Variants in TSPAN18 observed in about 807,000 individuals in gnomAD.
TSPAN18 encodes tetraspanin 18, also known as tetraspanin-18.
In TSPAN18, 14 loss-of-function variants were observed where a neutral mutation model predicts 27.3. That is an observed-to-expected ratio of 0.51 (90% CI 0.34 to 0.80). TSPAN18 has a LOEUF of 0.80. Ranked by LOEUF, TSPAN18 falls within the 30% of genes least tolerant of loss-of-function variation. The pLI, the probability that TSPAN18 is intolerant of heterozygous loss-of-function variation, is 0.01. For missense variants in TSPAN18, 268 were observed against 323.9 expected, an observed-to-expected ratio of 0.83 and a Z score of 1.32; for synonymous variants, 143 against 136.5, an observed-to-expected ratio of 1.05 and a Z score of -0.33.
rs765084802 is a variant in TSPAN18, at chr11:44,930,972, C to T, written c.*1794C>T. 2.4e-5 allele frequency: 12 copies of T among 489,924 alleles called. No homozygotes were observed. Among genetic ancestry groups the T allele is most frequent in the East Asian group, 6.3e-5 (1 of 15,810 alleles). 30.3% of individuals were successfully genotyped at this position (489,924 alleles called of 1,614,324 possible). ...CACTCGGAGCCACAGCCTAGAGCCC[C>T]GTGTTCCCTGGCCTGTGCGTCTGCC... On this transcript the variant is annotated 3_prime_UTR_variant, in exon 10 of 10. Transcript: ENST00000520358.
chr11:44,803,455 A>G (rs1856526504), intron 2 of TSPAN18, among the ~76,000 whole-genome samples: 1 of 152,184 alleles, frequency 6.6e-6, no homozygotes, highest in Non-Finnish European at 1.5e-5. Context: ...AGAGTACAGA[A>G]GTTCTTGAAT....
In TSPAN18 at chr11:44,730,607, G is replaced by A. The variant is rs544376384; in HGVS notation, c.-240+3320G>A. 2.6e-5 allele frequency among the ~76,000 whole-genome samples: 4 copies of A among 152,118 alleles called. No homozygotes were observed. The East Asian group carries it at 7.7e-4, about 29-fold the overall frequency. ...ATTAGTGCTCCATCTGAGGGAGTGGGGGTGGATCATGAAACACTTTTTTTT... is the reference window on the plus strand; with the variant it reads ...ATTAGTGCTCCATCTGAGGGAGTGGAGGTGGATCATGAAACACTTTTTTTT... On this transcript the variant is annotated intron_variant, in intron 1 of 9. Coordinates refer to ENST00000520358, the MANE Select transcript of TSPAN18 (RefSeq NM_130783.5).
intron 2 of TSPAN18, among the ~76,000 whole-genome samples, chr11:44,851,912 A>G (rs1857615898): frequency 6.6e-6 from 1 of 152,128 alleles, no homozygotes; most frequent in South Asian, 2.1e-4. Context: ...GTGGTTCAGA[A>G]CACTCCCCAG....
intron 3 of TSPAN18, among the ~76,000 whole-genome samples, chr11:44,898,656 G>A (rs560531547): frequency 6.6e-6 from 1 of 152,368 alleles, no homozygotes; most frequent in African/African-American, 2.4e-5. Context: ...CTAAGGCGGT[G>A]CAGGGCATCA....
chr11:44,928,296 C>A (rs1348760265), intron 9 of TSPAN18, among the ~76,000 whole-genome samples: 1 of 152,232 alleles, frequency 6.6e-6, no homozygotes. Flanking sequence ...TGAGCAACTT[C>A]TAGATAAGAG....
intron 1 of TSPAN18, among the ~76,000 whole-genome samples, chr11:44,748,738 G>A (rs1378266152): frequency 1.3e-5 from 2 of 152,122 alleles, no homozygotes; most frequent in Non-Finnish European, 2.9e-5. Flanking sequence ...AGATGACTTA[G>A]GGAAACAGAG....
At chr11:44,844,075 T>C (rs1857431159) in intron 2 of TSPAN18, among the ~76,000 whole-genome samples, 2 of 152,220 alleles carry the variant, frequency 1.3e-5, no homozygotes, top group Non-Finnish European at 2.9e-5. Context: ...TTACAATTTA[T>C]GTTTAGAGAT....
At chr11:44,882,644 C>T (rs1042527594) in intron 3 of TSPAN18, among the ~76,000 whole-genome samples, 5 of 108,802 alleles carry the variant, frequency 4.6e-5, no homozygotes, top group East Asian at 2.3e-4. Flanking sequence ...AGAGCATGTG[C>T]GTGCATGTAT....
chr11:44,815,031 G>T (rs563032444), intron 2 of TSPAN18, among the ~76,000 whole-genome samples: 2 of 152,236 alleles, frequency 1.3e-5, no homozygotes, highest in South Asian at 4.2e-4. Flanking sequence ...CAGAGGAAAT[G>T]GCAAGATAGA....
At chr11:44,771,543 C>T (rs1369934336) in intron 2 of TSPAN18, among the ~76,000 whole-genome samples, 1 of 152,106 alleles carries the variant, frequency 6.6e-6, no homozygotes, top group Admixed American at 6.5e-5. Context: ...TCAGCTTTTC[C>T]AGAGAAACAA....
chr11:44,751,828 G>A (rs1855217142), intron 1 of TSPAN18, among the ~76,000 whole-genome samples: 1 of 151,928 alleles, frequency 6.6e-6, no homozygotes, highest in Non-Finnish European at 1.5e-5. Context: ...TCAGGAAGCT[G>A]AGGCAGGAGA....
intron 3 of TSPAN18, among the ~76,000 whole-genome samples, chr11:44,894,160 C>T (rs1246251372): frequency 1.3e-5 from 2 of 152,228 alleles, no homozygotes; most frequent in African/African-American, 4.8e-5. Context: ...TTGCATCCTC[C>T]TGGAAAGGAT....
chr11:44,824,868 T>A (rs1250413785), intron 2 of TSPAN18, among the ~76,000 whole-genome samples: 1 of 152,254 alleles, frequency 6.6e-6, no homozygotes, highest in East Asian at 1.9e-4. Context: ...TCACTCATGC[T>A]ACAGATGTTG....
At chr11:44,738,006 A>G (rs1235131378) in intron 1 of TSPAN18, among the ~76,000 whole-genome samples, 1 of 151,928 alleles carries the variant, frequency 6.6e-6, no homozygotes. Flanking sequence ...TCACTCTTGG[A>G]TGACTGTTGA....
chr11:44,885,281 T>C (rs1209692845), intron 3 of TSPAN18, among the ~76,000 whole-genome samples: 1 of 152,198 alleles, frequency 6.6e-6, no homozygotes, highest in Non-Finnish European at 1.5e-5. Flanking sequence ...CAGGTGGGGA[T>C]TTCTGTCCCC....
At chr11:44,811,167 CACACACA>C (rs1856706853) in intron 2 of TSPAN18, among the ~76,000 whole-genome samples, 1 of 130,546 alleles carries the variant, frequency 7.7e-6, no homozygotes, top group South Asian at 2.5e-4. Flanking sequence ...CACACACACA[CACACACA>C]CCCCTGCCTG....
At chr11:44,789,019 C>T (rs1288816984) in intron 2 of TSPAN18, among the ~76,000 whole-genome samples, 3 of 152,290 alleles carry the variant, frequency 2.0e-5, no homozygotes, top group Middle Eastern at 3.4e-3. Context: ...AACGCAGGCA[C>T]GTGTGTTGTC....
chr11:44,844,909 A>T (rs760212779), intron 2 of TSPAN18, among the ~76,000 whole-genome samples: 16 of 152,168 alleles, frequency 1.1e-4, no homozygotes, highest in Admixed American at 2.0e-4. Flanking sequence ...ATCACCACTC[A>T]TTGAGGCAGG....
intron 5 of TSPAN18, among the ~76,000 whole-genome samples, chr11:44,911,242 G>C (rs1859701271): frequency 6.6e-6 from 1 of 152,170 alleles, no homozygotes; most frequent in Admixed American, 6.5e-5. Flanking sequence ...GGGAGAACTG[G>C]GCTGGTTGGC....
Sources: allele counts gnomAD v4.1 joint callset (sites outside exome capture counted in the v4.1 genomes callset), GRCh38; gene constraint gnomAD v4.1.1; transcripts MANE v1.5; gene names NCBI Gene and HGNC (gene_info 2026-07-23, HGNC 2026-07-21).